ELF2: variants seen among roughly 807,000 people sequenced by gnomAD.
ELF2 encodes the protein E74 like ETS transcription factor 2.
A neutral mutation model predicts 54.8 loss-of-function variants in ELF2; 11 were observed. The ratio of observed to expected loss-of-function variants is 0.20; its 90% confidence interval spans 0.13 to 0.33. The LOEUF is 0.33. Ranked by LOEUF, ELF2 falls within the 10% of genes least tolerant of loss-of-function variation. The probability of loss-of-function intolerance (pLI) is 1.00; values close to 1 mark genes in which losing one functional copy is unlikely to be tolerated. For synonymous variants in ELF2, 203 were observed against 245.1 expected, an observed-to-expected ratio of 0.83 and a Z score of 1.61; for missense variants, 513 against 703.0, an observed-to-expected ratio of 0.73 and a Z score of 3.06.
Position 139,060,313 on chromosome 4 carries a change from G to A in ELF2, c.1157+11C>T, listed in dbSNP as rs1378001941. 4 of 1,572,436 alleles carry A rather than the reference G, an allele frequency of 2.5e-6. No homozygotes were observed. The highest frequency in any genetic ancestry group is 3.4e-6 in the Non-Finnish European group (4 of 1,161,774). On this transcript the variant is annotated intron_variant, in intron 9 of 9. Coordinates refer to ENST00000686138, the MANE Select transcript of ELF2 (RefSeq NM_001331036.3). ...GTAAATACATTGTAACTAATGGTTT[G>A]CTTCACTTACCTTGGAGCTGCTGTT...
chr4:139,121,900 T>G (rs965354389), intron 4 of ELF2, among the ~76,000 whole-genome samples: 1 of 152,170 alleles, frequency 6.6e-6, no homozygotes, highest in Non-Finnish European at 1.5e-5. Context: ...AGACTGTTAA[T>G]CTACAAAAAG....
intron 6 of ELF2, among the ~76,000 whole-genome samples, chr4:139,071,161 G>A (rs1729457697): frequency 6.6e-6 from 1 of 152,152 alleles, no homozygotes; most frequent in South Asian, 2.1e-4. Flanking sequence ...GTGAGTTTAG[G>A]TCAATCAGAA....
intron 1 of ELF2, among the ~76,000 whole-genome samples, chr4:139,174,990 C>T (rs1742759162): frequency 6.6e-6 from 1 of 152,154 alleles, no homozygotes; most frequent in Admixed American, 6.5e-5. Flanking sequence ...TAGAACAAAT[C>T]CCCAACAGAT....
At chr4:139,138,394 C>T (rs1254207323) in intron 2 of ELF2, among the ~76,000 whole-genome samples, 1 of 149,922 alleles carries the variant, frequency 6.7e-6, no homozygotes, top group Non-Finnish European at 1.5e-5. Flanking sequence ...TCCAGCCTGG[C>T]GACAGAGTGA....
chr4:139,123,194 A>C (rs1379807010), intron 4 of ELF2, among the ~76,000 whole-genome samples: 1 of 151,792 alleles, frequency 6.6e-6, no homozygotes, highest in Non-Finnish European at 1.5e-5. Context: ...AAAAAAAAAA[A>C]AAAATCCGTG....
At chr4:139,093,826 G>A (rs1732938179) in intron 4 of ELF2, among the ~76,000 whole-genome samples, 1 of 151,724 alleles carries the variant, frequency 6.6e-6, no homozygotes, top group African/African-American at 2.4e-5. Flanking sequence ...ACAAAACAGG[G>A]ATGGCCATTA....
intron 3 of ELF2, among the ~76,000 whole-genome samples, chr4:139,134,382 T>C (rs1001845142): frequency 1.3e-5 from 2 of 151,676 alleles, no homozygotes; most frequent in Non-Finnish European, 2.9e-5. Flanking sequence ...TTTCATTGTT[T>C]TTGTTTGTTT....
rs893069792 is a variant in ELF2, at chr4:139,093,569, G to A, written c.239-20002C>T. Among the ~76,000 whole-genome samples the A allele has an allele frequency of 7.9e-5, 12 of 152,208 alleles. No homozygotes were observed. In the East Asian group the frequency reaches 1.4e-3, roughly 17 times the overall value. ...AAGACTCCTTAACTTAAAGCAACGC[G>A]AAGCAAAATGATGAGTAACATTTAT... On this transcript the variant is annotated intron_variant, in intron 4 of 9. Coordinates refer to ENST00000686138, the MANE Select transcript of ELF2 (RefSeq NM_001331036.3).
Position 139,059,516 on chromosome 4 carries a change from C to A in ELF2, c.1249G>T (p.Ala417Ser). Residue 417 changes from alanine (A) to serine (S), a missense_variant, in exon 10 of 10, where the codon GCA (alanine) becomes TCA (serine). This residue lies in a region of ELF2 where 291 missense variants were observed against 366.1 expected (regional missense o/e 0.79). Transcript: ENST00000686138. The part of the protein sequence containing the change: ...TVAVQSVNAG[A>S]PLITSTSPTT... Reference sequence around the variant, plus strand: ...GGACTAGTGCTGGTTATTAATGGTGCACCTGCATTAACTGACTGAACTGCC... The same window carrying A: ...GGACTAGTGCTGGTTATTAATGGTGAACCTGCATTAACTGACTGAACTGCC... The A allele has an allele frequency of 1.2e-6, 2 of 1,613,874 alleles. No individual in the cohort carries two copies. Among genetic ancestry groups the A allele is most frequent in the Non-Finnish European group, 1.7e-6 (2 of 1,179,846 alleles).
intron 6 of ELF2, among the ~76,000 whole-genome samples, chr4:139,068,315 G>A (rs558166439): frequency 8.5e-5 from 13 of 152,302 alleles, no homozygotes; most frequent in South Asian, 2.1e-4. Context: ...CACTGTACCC[G>A]GCCTTGCCAA....
At chr4:139,158,941 C>T (rs1560880505) in intron 1 of ELF2, among the ~76,000 whole-genome samples, 1 of 151,882 alleles carries the variant, frequency 6.6e-6, no homozygotes, top group African/African-American at 2.4e-5. Flanking sequence ...GTAAGAGGTA[C>T]AAAAGTTTCA....
chr4:139,084,673 C>T (rs761066599), intron 4 of ELF2, among the ~76,000 whole-genome samples: 1 of 152,162 alleles, frequency 6.6e-6, no homozygotes. Context: ...CTGCAATTGT[C>T]CCCCCTCTGG....
At chr4:139,086,827 T>C (rs1208676137) in intron 4 of ELF2, among the ~76,000 whole-genome samples, 1 of 152,206 alleles carries the variant, frequency 6.6e-6, no homozygotes, top group East Asian at 1.9e-4. Flanking sequence ...TGTTAAATTA[T>C]TTATAATTAT....
intron 4 of ELF2, among the ~76,000 whole-genome samples, chr4:139,121,998 T>C (rs943738857): frequency 6.6e-6 from 1 of 152,214 alleles, no homozygotes; most frequent in Admixed American, 6.5e-5. Context: ...CAAATCATAA[T>C]ATGATTTTAG....
chr4:139,135,852 T>C (rs1222588175), intron 3 of ELF2, among the ~76,000 whole-genome samples: 1 of 152,206 alleles, frequency 6.6e-6, no homozygotes, highest in African/African-American at 2.4e-5. Context: ...AGTCATTTCA[T>C]TTATGAGATT....
rs187935756 is a variant in ELF2, at chr4:139,163,560, A to G, written c.-252+13407T>C. Among the ~76,000 whole-genome samples the G allele has an allele frequency of 2.4e-3, 371 of 152,272 alleles. 1 individual carries two copies. Among genetic ancestry groups the G allele is most frequent in the African/African-American group, 8.4e-3 (351 of 41,568 alleles). ...ATAGGACAAAGCTAAAGGACCAAGA[A>G]TGTTGTGGAAGATCTGATTAAGCTG... On this transcript the variant is annotated intron_variant, in intron 1 of 9. Coordinates refer to ENST00000686138, the MANE Select transcript of ELF2 (RefSeq NM_001331036.3).
intron 4 of ELF2, chr4:139,115,330 C>T (rs1197142706): frequency 6.8e-6 from 10 of 1,471,102 alleles, no homozygotes; most frequent in Non-Finnish European, 9.0e-6. Context: ...GCCCGGGGGC[C>T]GGGGTCGCCA....
intron 4 of ELF2, among the ~76,000 whole-genome samples, chr4:139,112,524 T>C (rs1429579332): frequency 6.6e-6 from 1 of 152,212 alleles, no homozygotes; most frequent in Non-Finnish European, 1.5e-5. Flanking sequence ...TGCCTAGGGA[T>C]ATGTGTTAAA....
chr4:139,110,510 A>G (rs1219911935), intron 4 of ELF2, among the ~76,000 whole-genome samples: 1 of 152,232 alleles, frequency 6.6e-6, no homozygotes, highest in Non-Finnish European at 1.5e-5. Flanking sequence ...ATATTTTTTC[A>G]TGCTTTTACA....
Sources: allele counts gnomAD v4.1 joint callset (sites outside exome capture counted in the v4.1 genomes callset), GRCh38; gene constraint gnomAD v4.1.1; regional missense constraint gnomAD v4.1.1; transcripts MANE v1.5; gene names NCBI Gene and HGNC (gene_info 2026-07-23, HGNC 2026-07-21).